FAM168A: variants seen among roughly 807,000 people sequenced by gnomAD.
The protein encoded by FAM168A is protein FAM168A.
In FAM168A, 3 loss-of-function variants were observed where a neutral mutation model predicts 28.5. The ratio of observed to expected loss-of-function variants is 0.11; its 90% confidence interval spans 0.05 to 0.27. FAM168A has a LOEUF of 0.27. FAM168A is among the 10% of genes least tolerant of loss of function. The probability of loss-of-function intolerance (pLI) is 1.00; values close to 1 mark genes in which losing one functional copy is unlikely to be tolerated. For missense variants in FAM168A, 222 were observed against 311.5 expected, an observed-to-expected ratio of 0.71 and a Z score of 2.16; for synonymous variants, 122 against 124.2, an observed-to-expected ratio of 0.98 and a Z score of 0.12.
intron 1 of FAM168A, among the ~76,000 whole-genome samples, chr11:73,495,325 T>A (rs937486143): frequency 5.3e-5 from 8 of 152,106 alleles, no homozygotes; most frequent in African/African-American, 1.9e-4. Flanking sequence ...CGAGACTCCG[T>A]CTCAAAATTA....
chr11:73,575,184 T>C (rs946467328), intron 1 of FAM168A, among the ~76,000 whole-genome samples: 1 of 152,240 alleles, frequency 6.6e-6, no homozygotes, highest in Non-Finnish European at 1.5e-5. Flanking sequence ...GACTACGCCA[T>C]GCTTTGGAGC....
chr11:73,440,892 A>G lies in FAM168A; in HGVS notation c.71-10122T>C, dbSNP rs188903534. ...GACTAGAGGCCAGATTAAAAAACTC[A>G]TATCAATCAAGAAGAAATGAAAATA... On this transcript the variant is annotated intron_variant, in intron 2 of 7. Transcript: ENST00000356467. Among the ~76,000 whole-genome samples the G allele has an allele frequency of 7.0e-4, 107 of 152,334 alleles. 3 individuals carry two copies. In the East Asian group the frequency reaches 0.015, roughly 21 times the overall value.
At chr11:73,421,790 T>C (rs1866797564) in intron 3 of FAM168A, among the ~76,000 whole-genome samples, 1 of 152,188 alleles carries the variant, frequency 6.6e-6, no homozygotes, top group African/African-American at 2.4e-5. Context: ...AGCAAACCCA[T>C]GCCCTCAAGA....
intron 1 of FAM168A, among the ~76,000 whole-genome samples, chr11:73,503,151 G>A (rs950773769): frequency 6.6e-6 from 1 of 151,994 alleles, no homozygotes; most frequent in Non-Finnish European, 1.5e-5. Flanking sequence ...TTCTGGCCAG[G>A]GCAATCAGAC....
chr11:73,538,426 T>C (rs762108212), intron 1 of FAM168A, among the ~76,000 whole-genome samples: 6 of 151,952 alleles, frequency 3.9e-5, no homozygotes, highest in Non-Finnish European at 7.4e-5. Flanking sequence ...CTGGCAAGGA[T>C]TGAAATAGCC....
intron 1 of FAM168A, among the ~76,000 whole-genome samples, chr11:73,474,502 A>C (rs960290055): frequency 1.3e-5 from 2 of 152,020 alleles, no homozygotes; most frequent in Non-Finnish European, 2.9e-5. Flanking sequence ...AAGCCTGTTA[A>C]ACAGACATTA....
chr11:73,543,157 C>T (rs939037253), intron 1 of FAM168A, among the ~76,000 whole-genome samples: 2 of 151,646 alleles, frequency 1.3e-5, no homozygotes, highest in African/African-American at 4.8e-5. Context: ...TACTAGGACA[C>T]AATTGAAAGC....
intron 1 of FAM168A, among the ~76,000 whole-genome samples, chr11:73,545,682 AC>A (rs1322564838): frequency 2.9e-5 from 4 of 137,044 alleles, no homozygotes; most frequent in African/African-American, 1.1e-4. Flanking sequence ...AATACTATAT[AC>A]TTTTTTTTTT....
chr11:73,562,269 C>T (rs1943968427), intron 1 of FAM168A, among the ~76,000 whole-genome samples: 1 of 152,170 alleles, frequency 6.6e-6, no homozygotes, highest in Non-Finnish European at 1.5e-5. Flanking sequence ...GCTGTATGAC[C>T]TCTCTTCATC....
Position 73,593,902 on chromosome 11 carries a change from T to A in FAM168A, c.-19+4021A>T, listed in dbSNP as rs113363728. 6.6e-3 allele frequency among the ~76,000 whole-genome samples: 1,007 copies of A among 152,334 alleles called. 13 individuals carry two copies. Among genetic ancestry groups the A allele is most frequent in the African/African-American group, 0.023 (959 of 41,574 alleles). ...CCCACATTTAACCATAGCATTCATT[T>A]TGCCTCACTTTTCTCACCGTATTTG... On this transcript the variant is annotated intron_variant, in intron 1 of 7. Transcript: ENST00000356467.
intron 1 of FAM168A, among the ~76,000 whole-genome samples, chr11:73,539,925 G>T (rs1943633118): frequency 6.6e-6 from 1 of 152,162 alleles, no homozygotes; most frequent in Admixed American, 6.5e-5. Context: ...AGCCTGACAG[G>T]GAAGCACCAG....
intron 2 of FAM168A, among the ~76,000 whole-genome samples, chr11:73,455,469 G>A (rs1199058692): frequency 1.3e-5 from 2 of 152,200 alleles, no homozygotes; most frequent in African/African-American, 2.4e-5. Context: ...TGCTTCCACA[G>A]CAATTTGTAC....
At chr11:73,569,902 C>G (rs1441991075) in intron 1 of FAM168A, among the ~76,000 whole-genome samples, 1 of 141,658 alleles carries the variant, frequency 7.1e-6, no homozygotes, top group African/African-American at 3.1e-5. Context: ...AAAAGTATTA[C>G]AGCAGGGGAA....
chr11:73,551,553 C>T (rs973694810), intron 1 of FAM168A, among the ~76,000 whole-genome samples: 6 of 152,166 alleles, frequency 3.9e-5, no homozygotes, highest in African/African-American at 1.4e-4. Context: ...ATAGCCATTC[C>T]GGATTTCGAA....
chr11:73,417,129 T>C (rs1380168618), intron 4 of FAM168A, among the ~76,000 whole-genome samples: 2 of 152,152 alleles, frequency 1.3e-5, no homozygotes, highest in African/African-American at 4.8e-5. Flanking sequence ...CTGAAGGGAA[T>C]GAGTACTCCA....
intron 1 of FAM168A, chr11:73,510,817 G>A (rs1303109578): frequency 1.9e-5 from 7 of 367,188 alleles, no homozygotes; most frequent in South Asian, 2.9e-4. Context: ...AGGAATGGAC[G>A]TAGACAGATA....
At chr11:73,544,814 TATA>T (rs1000660433) in intron 1 of FAM168A, among the ~76,000 whole-genome samples, 9 of 104,390 alleles carry the variant, frequency 8.6e-5, no homozygotes, top group Non-Finnish European at 1.5e-4. Context: ...ATATATCATA[TATA>T]ATAAATTTAT....
chr11:73,541,659 C>T (rs1017746234), intron 1 of FAM168A, among the ~76,000 whole-genome samples: 2 of 152,132 alleles, frequency 1.3e-5, no homozygotes, highest in East Asian at 1.9e-4. Context: ...CGTGAGCCAC[C>T]GCACCCGGCT....
intron 1 of FAM168A, among the ~76,000 whole-genome samples, chr11:73,547,152 G>A (rs994641258): frequency 6.8e-6 from 1 of 147,748 alleles, no homozygotes; most frequent in South Asian, 2.2e-4. Flanking sequence ...GGAGTAGGCA[G>A]AGGAAAAGGC....
Sources: gnomAD v4.1 joint callset for allele counts (sites outside exome capture counted in the v4.1 genomes callset) on GRCh38, gnomAD v4.1.1 for gene constraint, MANE v1.5 for transcripts, NCBI Gene and HGNC (gene_info 2026-07-23, HGNC 2026-07-21) for gene names.